NCS1: variants seen among roughly 807,000 people sequenced by gnomAD.
NCS1 encodes the protein neuronal calcium sensor 1.
Under a neutral mutation model 28.4 loss-of-function variants are expected in NCS1, and 6 were observed. That is an observed-to-expected ratio of 0.21 (90% confidence interval 0.12 to 0.42). NCS1 has a LOEUF of 0.42. Ranked by LOEUF, NCS1 falls within the 10% of genes least tolerant of loss-of-function variation. The pLI, the probability that NCS1 is intolerant of heterozygous loss-of-function variation, is 1.00. For missense variants in NCS1, 131 were observed against 241.4 expected, an observed-to-expected ratio of 0.54 and a Z score of 3.03; for synonymous variants, 86 against 99.3, an observed-to-expected ratio of 0.87 and a Z score of 0.79.
At chr9:130,218,403 C>T (rs561523376) in intron 3 of NCS1, among the ~76,000 whole-genome samples, 9 of 152,210 alleles carry the variant, frequency 5.9e-5, no homozygotes, top group South Asian at 2.1e-4. Context: ...GGTGCACACA[C>T]GTGTACACAC....
intron 2 of NCS1, among the ~76,000 whole-genome samples, chr9:130,210,073 G>A (rs987846728): frequency 3.9e-5 from 6 of 152,194 alleles, no homozygotes; most frequent in African/African-American, 1.4e-4. Flanking sequence ...GTCTTGGTAC[G>A]TCCCCGCCCA....
At chr9:130,188,480 T>TGGCTCGCTCTC (rs1832769703) in intron 1 of NCS1, among the ~76,000 whole-genome samples, 1 of 145,322 alleles carries the variant, frequency 6.9e-6, no homozygotes. Flanking sequence ...TGGAGTGCAA[T>TGGCTCGCTCTC]GGCTCGATCT....
chr9:130,224,391 CAA>C (rs71387332), intron 6 of NCS1, among the ~76,000 whole-genome samples: 8 of 96,444 alleles, frequency 8.3e-5, no homozygotes, highest in African/African-American at 8.1e-5. Context: ...GACGCAGTCT[CAA>C]AAAAAAAAAA....
At chr9:130,208,812 C>T (rs1833068364) in intron 2 of NCS1, among the ~76,000 whole-genome samples, 1 of 152,078 alleles carries the variant, frequency 6.6e-6, no homozygotes, top group Admixed American at 6.6e-5. Context: ...AGGAGCGGCC[C>T]CATTTTACAG....
Position 130,181,863 on chromosome 9 carries a change from T to C in NCS1, c.64+9136T>C, listed in dbSNP as rs1166354687. 1.3e-5 allele frequency among the ~76,000 whole-genome samples: 2 copies of C among 150,980 alleles called. No individual in the cohort carries two copies. The highest frequency in any genetic ancestry group is 2.4e-5 in the African/African-American group (1 of 41,080). ...GGAGTGGGTGAGCCGGGCACTCCTGTGCGCACGCGTGTGGTGGTGTGTGAG... is the reference window on the plus strand; with the variant it reads ...GGAGTGGGTGAGCCGGGCACTCCTGCGCGCACGCGTGTGGTGGTGTGTGAG... On this transcript the variant is annotated intron_variant, in intron 1 of 7. Transcript: ENST00000372398. This position sits in a 1 kb window ranked among gnomAD's most constrained non-coding sequence, Gnocchi z 5.0.
rs1833073020 is a variant in NCS1 at position 130,209,023 on chromosome 9, GA to G, written c.89+8043del. Among the ~76,000 whole-genome samples the G allele has an allele frequency of 6.6e-6, 1 of 152,186 alleles. No individual in the cohort carries two copies. Among genetic ancestry groups the G allele is most frequent in the South Asian group, 2.1e-4 (1 of 4,826 alleles). On this transcript the variant is annotated intron_variant, in intron 2 of 7. Coordinates refer to ENST00000372398, the MANE Select transcript of NCS1 (RefSeq NM_014286.4). The surrounding 1 kb of genome is among the most constrained non-coding windows in gnomAD (Gnocchi z 4.4). ...TACTGGGGGGAAGGGAAAGGAAGAG[GA>G]ACCATCTCATGGCTGTTTGGGACCC...
chr9:130,216,789 G>A (rs1179784529), intron 2 of NCS1, among the ~76,000 whole-genome samples: 1 of 151,930 alleles, frequency 6.6e-6, no homozygotes, highest in Admixed American at 6.6e-5. Flanking sequence ...AGTAAGGTGT[G>A]CAGAGTTCCC....
At position 130,181,277 on chromosome 9, in the gene NCS1, T is replaced by A. The variant is rs1564702180; in HGVS notation, c.64+8550T>A. Among the ~76,000 whole-genome samples, 1 of 152,102 alleles carries A rather than the reference T, an allele frequency of 6.6e-6. No individual in the cohort carries two copies. On this transcript the variant is annotated intron_variant, in intron 1 of 7. Transcript: ENST00000372398. The surrounding 1 kb of genome is among the most constrained non-coding windows in gnomAD (Gnocchi z 5.0). ...ATCTGGGGGTTGGGGATAAGGGACTTCTACTACACAGAGCCGTGTGCGGGG... is the reference window on the plus strand; with the variant it reads ...ATCTGGGGGTTGGGGATAAGGGACTACTACTACACAGAGCCGTGTGCGGGG...
intron 2 of NCS1, among the ~76,000 whole-genome samples, chr9:130,216,270 G>A (rs1833186470): frequency 6.6e-6 from 1 of 152,154 alleles, no homozygotes; most frequent in Non-Finnish European, 1.5e-5. Flanking sequence ...TTAGAATGGG[G>A]GACAGTGGGA....
At chr9:130,208,669 A>G (rs564530887) in intron 2 of NCS1, among the ~76,000 whole-genome samples, 77 of 152,360 alleles carry the variant, frequency 5.1e-4, no homozygotes, top group African/African-American at 1.6e-3. Flanking sequence ...CTGTCCTCGC[A>G]TCAACACGGC....
chr9:130,194,072 T>G (rs1380607083), intron 1 of NCS1: 1 of 152,590 alleles, frequency 6.6e-6, no homozygotes, highest in Non-Finnish European at 1.5e-5. Context: ...GAGGCTGGAT[T>G]GGCTGGCCGT....
chr9:130,219,783 C>A lies in NCS1; in HGVS notation c.287C>A (p.Thr96Asn), dbSNP rs1554909968. ...IQALSVTSRG[T>N]LDEKLRWAFK... is the part of the protein sequence containing the mutation. ...GCGCTGTCGGTGACCTCACGGGGAACCCTGGATGAGAAGCTACGGTGTAAG... is the reference window on the plus strand; with the variant it reads ...GCGCTGTCGGTGACCTCACGGGGAAACCTGGATGAGAAGCTACGGTGTAAG... Residue 96 changes from threonine to asparagine, a missense_variant, in exon 4 of 8, where the codon ACC (threonine) becomes AAC (asparagine). Thr to Asn is a moderately conservative substitution (Grantham distance 65). This residue lies in a region of NCS1 where 100 missense variants were observed against 210.3 expected (regional missense o/e 0.48). Transcript: ENST00000372398. This position sits in a 1 kb window ranked among gnomAD's most constrained non-coding sequence, Gnocchi z 5.7. The A allele has an allele frequency of 6.2e-7, 1 of 1,614,244 alleles. No individual in the cohort carries two copies. Among genetic ancestry groups the A allele is most frequent in the Non-Finnish European group, 8.5e-7 (1 of 1,180,042 alleles).
chr9:130,202,665 C>T (rs1323742325), intron 2 of NCS1, among the ~76,000 whole-genome samples: 5 of 151,668 alleles, frequency 3.3e-5, no homozygotes, highest in South Asian at 2.1e-4. Flanking sequence ...CTGCAACCTC[C>T]GCCTCCCAGA....
chr9:130,223,537 G>T (rs1370567210), intron 6 of NCS1, among the ~76,000 whole-genome samples: 2 of 152,238 alleles, frequency 1.3e-5, no homozygotes, highest in African/African-American at 4.8e-5. Context: ...TTTAAAAAAA[G>T]AATCTGTGAT....
At chr9:130,222,113 C>CGTGTGTGT (rs1491315942) in intron 4 of NCS1, among the ~76,000 whole-genome samples, 1 of 17,098 alleles carries the variant, frequency 5.8e-5, no homozygotes, top group African/African-American at 1.4e-4. Flanking sequence ...TATATATATA[C>CGTGTGTGT]GTATATATAT....
At position 130,233,278 on chromosome 9, in the gene NCS1, C is replaced by T. The variant is rs1311695511; in HGVS notation, c.*306C>T. On this transcript the variant is annotated 3_prime_UTR_variant, in exon 8 of 8. Transcript: ENST00000372398. This position sits in a 1 kb window ranked among gnomAD's most constrained non-coding sequence, Gnocchi z 4.8. ...GCTGCCTCGCAGGCAGCCTCCGTTC[C>T]TCCCGCTCTCTTGCGCGTGTGCTTT... 6.6e-6 allele frequency: 1 copy of T among 152,240 alleles called. No individual in the cohort carries two copies. Among genetic ancestry groups the T allele is most frequent in the Admixed American group, 6.5e-5 (1 of 15,274 alleles). 9.4% of individuals were successfully genotyped at this position (152,240 alleles called of 1,614,324 possible).
chr9:130,183,701 TTCTC>T (rs1317531818), intron 1 of NCS1, among the ~76,000 whole-genome samples: 1 of 151,606 alleles, frequency 6.6e-6, no homozygotes, highest in Non-Finnish European at 1.5e-5. Flanking sequence ...CTTTCTTTTT[TTCTC>T]TCTCTCCCTT....
intron 2 of NCS1, among the ~76,000 whole-genome samples, chr9:130,214,820 G>T (rs1015159627): frequency 6.6e-6 from 1 of 152,110 alleles, no homozygotes; most frequent in East Asian, 1.9e-4. Context: ...CCTGCTATTG[G>T]CACAGAAGGG....
chr9:130,193,170 G>C (rs534705029), intron 1 of NCS1, among the ~76,000 whole-genome samples: 32 of 152,344 alleles, frequency 2.1e-4, no homozygotes, highest in Non-Finnish European at 3.1e-4. Flanking sequence ...TTGGGGCAGA[G>C]CACCCTATTC....
Sources: gnomAD v4.1 joint callset for allele counts (sites outside exome capture counted in the v4.1 genomes callset) on GRCh38, gnomAD v4.1.1 for gene constraint, gnomAD v4.1.1 regional missense constraint, Gnocchi (gnomAD v3.1) non-coding constraint, MANE v1.5 for transcripts, NCBI Gene and HGNC (gene_info 2026-07-23, HGNC 2026-07-21) for gene names.